The following RBFOX1 variants were observed in gnomAD, a reference collection of about 807,000 sequenced individuals.
RBFOX1 encodes the protein RNA binding fox-1 homolog 1.
A neutral mutation model predicts 57.7 loss-of-function variants in RBFOX1; 8 were observed. The observed-to-expected ratio is 0.14, with a 90% confidence interval of 0.08 to 0.25. The LOEUF (loss-of-function observed/expected upper bound fraction) is 0.25. Ranked by LOEUF, RBFOX1 falls within the 10% of genes least tolerant of loss-of-function variation. RBFOX1 has a pLI of 1.00. For missense variants in RBFOX1, 611 were observed against 548.5 expected (o/e 1.11, Z -1.14); for synonymous variants, 326 against 222.4 (o/e 1.47, Z -4.15).
At chr16:7,446,796 G>GTT (rs1567209136) in intron 4 of RBFOX1, among the ~76,000 whole-genome samples, 1 of 109,464 alleles carries the variant, frequency 9.1e-6, no homozygotes, top group African/African-American at 3.6e-5. Flanking sequence ...GTAGGTCTAG[G>GTT]TATTTTTTTT....
intron 2 of RBFOX1, among the ~76,000 whole-genome samples, chr16:5,540,139 G>A (rs141144064): frequency 2.6e-5 from 4 of 152,260 alleles, no homozygotes; most frequent in East Asian, 1.9e-4. Flanking sequence ...AAAGGAAGCC[G>A]AAGCCTTTTG....
At chr16:7,379,677 C>G (rs1383667745) in intron 4 of RBFOX1, among the ~76,000 whole-genome samples, 3 of 152,082 alleles carry the variant, frequency 2.0e-5, no homozygotes, top group Non-Finnish European at 4.4e-5. Flanking sequence ...TTTAGCCACA[C>G]TGAAATTATT....
At chr16:6,684,013 G>T (rs1208513496) in intron 3 of RBFOX1, among the ~76,000 whole-genome samples, 1 of 152,210 alleles carries the variant, frequency 6.6e-6, no homozygotes. Flanking sequence ...GGAAGATAGT[G>T]AATGGTCCAC....
At chr16:5,684,575 C>T (rs1039222402) in intron 3 of RBFOX1, among the ~76,000 whole-genome samples, 14 of 152,164 alleles carry the variant, frequency 9.2e-5, no homozygotes, top group South Asian at 2.1e-4. Flanking sequence ...TTTCCAAGGA[C>T]GGACACTTGT....
chr16:5,714,908 G>A (rs1469615506), intron 3 of RBFOX1, among the ~76,000 whole-genome samples: 4 of 152,176 alleles, frequency 2.6e-5, no homozygotes, highest in East Asian at 3.9e-4. Flanking sequence ...CAAACACAGA[G>A]GCAAGCATAG....
At chr16:7,146,416 G>A (rs369383630) in intron 4 of RBFOX1, among the ~76,000 whole-genome samples, 6 of 152,090 alleles carry the variant, frequency 3.9e-5, no homozygotes, top group African/African-American at 9.7e-5. Context: ...TGAACCCCTC[G>A]CCTACCCAGC....
chr16:7,629,300 C>G (rs1392575130), intron 10 of RBFOX1, among the ~76,000 whole-genome samples: 4 of 152,138 alleles, frequency 2.6e-5, no homozygotes, highest in Non-Finnish European at 4.4e-5. Context: ...ACCCCACACG[C>G]TTTGGAAGTT....
In RBFOX1 at chr16:6,863,725, C is replaced by CTTTTTTTTTTTTTTTTTTTTTTTTTTTT. The variant is rs71408412; in HGVS notation, c.-15-188305_-15-188304insTTTTTTTTTTTTTTTTTTTTTTTTTTTT. Among the ~76,000 whole-genome samples, 7 of 67,776 alleles carry CTTTTTTTTTTTTTTTTTTTTTTTTTTTT rather than the reference C, an allele frequency of 1.0e-4. 1 individual carries two copies. Among genetic ancestry groups the CTTTTTTTTTTTTTTTTTTTTTTTTTTTT allele is most frequent in the African/African-American group, 4.5e-4 (6 of 13,382 alleles). 44.5% of individuals were successfully genotyped at this position (67,776 alleles called of 152,430 possible). A position where few individuals can be genotyped will look rare whatever the true frequency, so the allele number is the denominator to read the frequency against. ...CGGAAGCACAAATTGGATGCCTGCGCTTTTTTTTTTTTTTTTTTTTTTTTT... is the reference window on the plus strand; with the variant it reads ...CGGAAGCACAAATTGGATGCCTGCGCTTTTTTTTTTTTTTTTTTTTTTTTTTTTTTTTTTTTTTTTTTTTTTTTTTTTT... On this transcript the variant is annotated intron_variant, in intron 3 of 15. Transcript: ENST00000550418.
intron 3 of RBFOX1, among the ~76,000 whole-genome samples, chr16:6,985,136 C>CCCTCT: frequency 6.6e-6 from 1 of 152,152 alleles, no homozygotes; most frequent in Middle Eastern, 3.4e-3. Context: ...CCCTACCCTA[C>CCCTCT]CCTCTTCTTT....
At chr16:6,256,227 ATATATG>A (rs1196759516) in intron 1 of RBFOX1, among the ~76,000 whole-genome samples, 1 of 93,952 alleles carries the variant, frequency 1.1e-5, no homozygotes, top group African/African-American at 5.0e-5. Context: ...ATATGTATAT[ATATATG>A]TGTATATATA....
At chr16:7,359,033 C>G (rs933877873) in intron 4 of RBFOX1, among the ~76,000 whole-genome samples, 1 of 152,182 alleles carries the variant, frequency 6.6e-6, no homozygotes, top group African/African-American at 2.4e-5. Context: ...GCTGCCTCCA[C>G]CTTCCTTCAA....
intron 11 of RBFOX1, among the ~76,000 whole-genome samples, chr16:7,635,302 CA>C (rs758678162): frequency 7.2e-5 from 11 of 152,224 alleles, no homozygotes; most frequent in Non-Finnish European, 1.2e-4. Context: ...TCCTTATTTA[CA>C]TATGAAGTAG....
chr16:6,676,161 C>T (rs1304304805), intron 3 of RBFOX1, among the ~76,000 whole-genome samples: 1 of 151,674 alleles, frequency 6.6e-6, no homozygotes, highest in Non-Finnish European at 1.5e-5. Context: ...CACACACACA[C>T]ACACACACAC....
chr16:5,483,068 G>T (rs1215287228), intron 2 of RBFOX1, among the ~76,000 whole-genome samples: 1 of 152,144 alleles, frequency 6.6e-6, no homozygotes, highest in Non-Finnish European at 1.5e-5. Context: ...TAACCCCACA[G>T]AGTGCCTTTA....
chr16:5,585,092 G>A (rs919585468), intron 2 of RBFOX1, among the ~76,000 whole-genome samples: 20 of 152,004 alleles, frequency 1.3e-4, no homozygotes, highest in East Asian at 1.9e-4. Context: ...TTGTACAGCC[G>A]TCACCTCTAT....
At chr16:6,670,013 C>G (rs1044583864) in intron 3 of RBFOX1, among the ~76,000 whole-genome samples, 4 of 152,144 alleles carry the variant, frequency 2.6e-5, no homozygotes, top group Non-Finnish European at 5.9e-5. Flanking sequence ...GTCTGTCTAT[C>G]TATCTATCTG....
chr16:6,646,659 G>C (rs866146766), intron 2 of RBFOX1, among the ~76,000 whole-genome samples: 2 of 151,934 alleles, frequency 1.3e-5, no homozygotes, highest in Non-Finnish European at 2.9e-5. Context: ...TGGTCAGAAC[G>C]GGCAAAAGCA....
intron 3 of RBFOX1, among the ~76,000 whole-genome samples, chr16:6,950,111 T>TA (rs894116336): frequency 8.1e-6 from 1 of 122,918 alleles, no homozygotes; most frequent in Non-Finnish European, 1.7e-5. Context: ...TACGCAGAGG[T>TA]AATTTTTTTT....
At chr16:6,297,517 G>A (rs1041483307) in intron 1 of RBFOX1, among the ~76,000 whole-genome samples, 4 of 152,114 alleles carry the variant, frequency 2.6e-5, no homozygotes. Flanking sequence ...CGAGTTTCCT[G>A]ATCTGTAAAA....
Sources: gnomAD v4.1 joint callset for allele counts (sites outside exome capture counted in the v4.1 genomes callset) on GRCh38, gnomAD v4.1.1 for gene constraint, MANE v1.5 for transcripts, NCBI Gene and HGNC (gene_info 2026-07-23, HGNC 2026-07-21) for gene names.